Variants in ZSCAN30 observed in about 807,000 individuals in gnomAD.
ZSCAN30 encodes zinc finger and SCAN domain containing 30, also known as zinc finger and SCAN domain-containing protein 30.
In ZSCAN30, 37 loss-of-function variants were observed where a neutral mutation model predicts 44.3. The ratio of observed to expected loss-of-function variants is 0.84; its 90% CI spans 0.64 to 1.10. The LOEUF (loss-of-function observed/expected upper bound fraction) is 1.10, where lower values mean the gene tolerates loss of function less well. Among genes scored for constraint, ZSCAN30 ranks in the 50% least tolerant of loss-of-function variants. The pLI is 0.00. For synonymous variants in ZSCAN30, 181 were observed against 204.6 expected, an observed-to-expected ratio of 0.88 and a Z score of 0.98; for missense variants, 549 against 582.6, an observed-to-expected ratio of 0.94 and a Z score of 0.59.
chr18:35,287,768 A>T (rs1015854758), intron 1 of ZSCAN30, among the ~76,000 whole-genome samples: 4 of 152,166 alleles, frequency 2.6e-5, no homozygotes, highest in Admixed American at 1.3e-4. Context: ...GAGCCAATTG[A>T]TAAACTGTGC....
At chr18:35,262,122 C>G (rs2044040622) in intron 3 of ZSCAN30, 2 of 152,100 alleles carry the variant, frequency 1.3e-5, no homozygotes, top group African/African-American at 4.8e-5. Flanking sequence ...GGGGTAGACT[C>G]TTAATAACTA....
intron 1 of ZSCAN30, chr18:35,289,425 A>T (rs1023631228): frequency 6.6e-6 from 1 of 152,216 alleles, no homozygotes. Flanking sequence ...GGGCTGGGAC[A>T]GGAAGCCCTC....
chr18:35,282,432 A>G (rs1302379319), intron 1 of ZSCAN30: 1 of 152,240 alleles, frequency 6.6e-6, no homozygotes, highest in Non-Finnish European at 1.5e-5. Context: ...TAAGTTGACA[A>G]GGGGCAGACC....
chr18:35,258,213 A>C (rs185411028), intron 3 of ZSCAN30: 1 of 527,776 alleles, frequency 1.9e-6, no homozygotes, highest in East Asian at 3.3e-5. Flanking sequence ...AAGGAGACTT[A>C]ACAGGAACCC....
intron 1 of ZSCAN30, among the ~76,000 whole-genome samples, chr18:35,271,754 G>C (rs7240945): frequency 3.8e-4 from 58 of 152,020 alleles, no homozygotes; most frequent in African/African-American, 1.3e-3. Context: ...TTGCGGGGAG[G>C]GGGGGCGCTT....
intron 1 of ZSCAN30, among the ~76,000 whole-genome samples, chr18:35,289,123 A>G (rs9304144): frequency 0.91 from 137,862 of 152,028 alleles, 63,039 homozygotes; most frequent in African/African-American, 0.94. Flanking sequence ...TTAAAGGCGC[A>G]CACCACCATG....
At chr18:35,257,947 T>C (rs368408490) in intron 3 of ZSCAN30, 19 of 780,928 alleles carry the variant, frequency 2.4e-5, no homozygotes, top group Non-Finnish European at 4.3e-5. Context: ...GAAGAACACA[T>C]CGTCAATAAA....
chr18:35,282,095 G>A (rs2044465895), intron 1 of ZSCAN30: 1 of 152,124 alleles, frequency 6.6e-6, no homozygotes, highest in Admixed American at 6.5e-5. Context: ...ATTCTGGTGG[G>A]CAATGATATA....
intron 1 of ZSCAN30, among the ~76,000 whole-genome samples, chr18:35,271,158 A>G (rs2044265804): frequency 6.6e-6 from 1 of 152,166 alleles, no homozygotes; most frequent in Non-Finnish European, 1.5e-5. Context: ...CACTGTGGAA[A>G]AGGACCCCAC....
At chr18:35,271,406 G>C (rs2044271577) in intron 1 of ZSCAN30, among the ~76,000 whole-genome samples, 1 of 30,992 alleles carries the variant, frequency 3.2e-5, no homozygotes, top group Admixed American at 4.4e-4. Flanking sequence ...GTCCACACTA[G>C]ATTAGCTAGA....
At chr18:35,271,052 A>G (rs761577370) in intron 1 of ZSCAN30, among the ~76,000 whole-genome samples, 2 of 152,228 alleles carry the variant, frequency 1.3e-5, no homozygotes, top group Non-Finnish European at 1.5e-5. Context: ...GTGAAACTGC[A>G]GACCTTCACA....
intron 1 of ZSCAN30, among the ~76,000 whole-genome samples, chr18:35,273,241 T>C (rs554113914): frequency 4.6e-5 from 7 of 152,380 alleles, no homozygotes; most frequent in African/African-American, 1.7e-4. Context: ...TTCTACTTTC[T>C]GTCTCTATAA....
intron 1 of ZSCAN30, among the ~76,000 whole-genome samples, chr18:35,289,048 A>G (rs1421852584): frequency 1.3e-5 from 2 of 151,988 alleles, no homozygotes; most frequent in African/African-American, 4.8e-5. Context: ...GCTCACTGCA[A>G]CCTCCGCCTC....
intron 3 of ZSCAN30, 110 bp from the exon 4 acceptor site, chr18:35,254,491 A>G (rs561145342): frequency 1.3e-6 from 2 of 1,558,766 alleles, no homozygotes; most frequent in African/African-American, 2.7e-5. Context: ...TTAGGAGGAC[A>G]GTTCTCAAAA....
chr18:35,279,424 C>A (rs1335376465), intron 1 of ZSCAN30, among the ~76,000 whole-genome samples: 1 of 152,220 alleles, frequency 6.6e-6, no homozygotes, highest in East Asian at 1.9e-4. Context: ...TTGCCTATCT[C>A]ATAAGAACAC....
chr18:35,282,931 G>A (rs2044485752), intron 1 of ZSCAN30: 1 of 152,162 alleles, frequency 6.6e-6, no homozygotes, highest in African/African-American at 2.4e-5. Flanking sequence ...TTATAAGAGT[G>A]CCTAACTAGC....
rs117854132 is a variant in ZSCAN30 at position 35,277,626 on chromosome 18, G to A, written c.-104+12458C>T. Among the ~76,000 whole-genome samples the A allele has an allele frequency of 6.8e-3, 1,036 of 152,178 alleles. 33 individuals carry two copies. The highest frequency in any genetic ancestry group is 0.05 in the East Asian group (262 of 5,190). ...CTTCTGCCATGATTGTAAGTTTCCC[G>A]AAGCCTCCCCAGTCATGCTGAACTG... On this transcript the variant is annotated intron_variant, in intron 1 of 3. Coordinates refer to ENST00000333206, the MANE Select transcript of ZSCAN30 (RefSeq NM_001112734.4).
chr18:35,269,168 G>C (rs1199567679), intron 1 of ZSCAN30: 1 of 152,208 alleles, frequency 6.6e-6, no homozygotes, highest in Non-Finnish European at 1.5e-5. Context: ...GTGATGTTCT[G>C]TATCTACTAT....
At chr18:35,280,980 T>G (rs1274054734) in intron 1 of ZSCAN30, 1 of 152,216 alleles carries the variant, frequency 6.6e-6, no homozygotes, top group Non-Finnish European at 1.5e-5. Context: ...TAAGCAAAAG[T>G]CCACATGTAG....
Sources: gnomAD v4.1 joint callset for allele counts (sites outside exome capture counted in the v4.1 genomes callset) on GRCh38, gnomAD v4.1.1 for gene constraint, MANE v1.5 for transcripts, NCBI Gene and HGNC (gene_info 2026-07-23, HGNC 2026-07-21) for gene names.